The following NRG1 variants were observed in gnomAD, a reference collection of about 807,000 sequenced individuals.
The protein encoded by NRG1 is neuregulin 1, also known as pro-neuregulin-1, membrane-bound isoform.
A neutral mutation model predicts 63.8 loss-of-function variants in NRG1; 18 were observed. The observed-to-expected ratio is 0.28, with a 90% CI of 0.19 to 0.42. The LOEUF (loss-of-function observed/expected upper bound fraction) is 0.42. NRG1 is among the 10% of genes least tolerant of loss of function. NRG1 has a pLI of 1.00. For synonymous variants in NRG1, 302 were observed against 301.3 expected (o/e 1.00, Z -0.02); for missense variants, 762 against 814.7 (o/e 0.94, Z 0.79).
intron 1 of NRG1, among the ~76,000 whole-genome samples, chr8:31,880,362 CA>C (rs1248568778): frequency 6.6e-6 from 1 of 152,160 alleles, no homozygotes; most frequent in African/African-American, 2.4e-5. Context: ...TTAATGTAGA[CA>C]AACATGGGTT....
chr8:32,251,214 C>G (rs527656194), intron 1 of NRG1, among the ~76,000 whole-genome samples: 2 of 152,172 alleles, frequency 1.3e-5, no homozygotes, highest in African/African-American at 4.8e-5. Flanking sequence ...CCGCTCCCCC[C>G]ACCCCACAAC....
chr8:32,661,054 G>A lies in NRG1; in HGVS notation c.502+44169G>A, dbSNP rs10103412. Among the ~76,000 whole-genome samples the A allele has an allele frequency of 3.9e-3, 590 of 152,228 alleles. 3 individuals are homozygous for A. The highest frequency in any genetic ancestry group is 0.013 in the African/African-American group (535 of 41,560). On this transcript the variant is annotated intron_variant, in intron 5 of 11. Coordinates refer to ENST00000356819, the Ensembl canonical transcript of NRG1. The stretch of plus-strand genomic sequence containing the variant: ...ACCATCATACCTGCATTGTTCTCAG[G>A]ATTTAGGAGAACAGAAAAGGATAAT...
rs192302931 is a variant in NRG1, at chr8:31,914,806, C to T, written c.37+275375C>T. On this transcript the variant is annotated intron_variant, in intron 1 of 10. Transcript: ENST00000519301. Reference sequence around the variant, plus strand: ...TTAGTGAAGGACCAGTGTCTCAGAGCTTTATTTTTTATGGTAGTTTAATTA... The same window carrying T: ...TTAGTGAAGGACCAGTGTCTCAGAGTTTTATTTTTTATGGTAGTTTAATTA... Among the ~76,000 whole-genome samples the T allele has an allele frequency of 7.8e-4, 118 of 151,656 alleles. 1 individual carries two copies. Among genetic ancestry groups the T allele is most frequent in the African/African-American group, 2.6e-3 (108 of 41,358 alleles).
At chr8:32,734,238 A>C (rs1824443795) in intron 6 of NRG1, among the ~76,000 whole-genome samples, 1 of 152,192 alleles carries the variant, frequency 6.6e-6, no homozygotes, top group Non-Finnish European at 1.5e-5. Flanking sequence ...TACTGACATA[A>C]TGATGCTGAT....
intron 1 of NRG1, among the ~76,000 whole-genome samples, chr8:32,210,709 G>A (rs1844616712): frequency 6.6e-6 from 1 of 152,210 alleles, no homozygotes; most frequent in African/African-American, 2.4e-5. Flanking sequence ...CGTAGTAGCT[G>A]TAGTGGGAGC....
At chr8:32,525,677 G>A (rs1379654666) in intron 1 of NRG1, among the ~76,000 whole-genome samples, 1 of 152,018 alleles carries the variant, frequency 6.6e-6, no homozygotes, top group Admixed American at 6.6e-5. Flanking sequence ...GTGTTGCCTG[G>A]ATCTGTGTAT....
chr8:32,332,804 C>T (rs549390871), intron 1 of NRG1, among the ~76,000 whole-genome samples: 7 of 152,240 alleles, frequency 4.6e-5, no homozygotes, highest in African/African-American at 9.6e-5. Flanking sequence ...TATGCAAGCT[C>T]GTCTGTTTTG....
intron 1 of NRG1, among the ~76,000 whole-genome samples, chr8:31,941,084 G>GAAA (rs59681897): frequency 1.3e-5 from 2 of 151,368 alleles, no homozygotes; most frequent in African/African-American, 2.4e-5. Context: ...CAAAGCCAGA[G>GAAA]GACATAACAA....
At chr8:31,906,311 G>A (rs556171571) in intron 1 of NRG1, among the ~76,000 whole-genome samples, 46 of 152,300 alleles carry the variant, frequency 3.0e-4, no homozygotes, top group African/African-American at 1.1e-3. Context: ...CAAATGATCA[G>A]AGAAAGATCT....
intron 1 of NRG1, among the ~76,000 whole-genome samples, chr8:32,392,660 G>C (rs1157059601): frequency 1.3e-5 from 2 of 152,070 alleles, no homozygotes; most frequent in Non-Finnish European, 2.9e-5. Flanking sequence ...TCCAGCAGAG[G>C]GAATTTTAGG....
intron 1 of NRG1, among the ~76,000 whole-genome samples, chr8:32,080,328 A>G (rs1403235811): frequency 6.6e-6 from 1 of 152,202 alleles, no homozygotes; most frequent in Non-Finnish European, 1.5e-5. Flanking sequence ...AAAAGATGAA[A>G]GAGAAGTGTC....
intron 1 of NRG1, among the ~76,000 whole-genome samples, chr8:32,579,892 T>C (rs529899630): frequency 1.2e-3 from 178 of 152,186 alleles, no homozygotes; most frequent in Non-Finnish European, 2.3e-3. Context: ...AGAGAAATCA[T>C]TTTCTTGCCT....
In NRG1 at chr8:32,370,322, T is replaced by A. The variant is rs1587139093; in HGVS notation, c.38-225506T>A. 2.0e-5 allele frequency among the ~76,000 whole-genome samples: 3 copies of A among 152,192 alleles called. No individual in the cohort carries two copies. The East Asian group carries it at 5.8e-4, about 29-fold the overall frequency. ...ACACATTTCAGAATGGAAACAAAAA[T>A]AAGTGGCAGATAATGTGTCCAAGTA... On this transcript the variant is annotated intron_variant, in intron 1 of 10. Coordinates refer to the NRG1 transcript ENST00000519301.
At chr8:32,763,174 G>T (rs200486592) in intron 11 of NRG1, 52 of 1,593,370 alleles carry the variant, frequency 3.3e-5, no homozygotes, top group Middle Eastern at 1.7e-4. Flanking sequence ...TGACACTGTT[G>T]TCAGGAATAA....
intron 5 of NRG1, among the ~76,000 whole-genome samples, chr8:32,635,769 T>G (rs1237252264): frequency 6.6e-6 from 1 of 152,188 alleles, no homozygotes; most frequent in Non-Finnish European, 1.5e-5. Context: ...GCTTAATTGG[T>G]TCTTCTTATC....
chr8:31,770,073 G>A (rs1381903101), intron 1 of NRG1, among the ~76,000 whole-genome samples: 1 of 152,114 alleles, frequency 6.6e-6, no homozygotes, highest in South Asian at 2.1e-4. Flanking sequence ...GATAAATATA[G>A]AGTGGAAAAC....
At chr8:32,470,183 CTT>C (rs33936895) in intron 1 of NRG1, among the ~76,000 whole-genome samples, 17 of 124,678 alleles carry the variant, frequency 1.4e-4, no homozygotes, top group South Asian at 2.7e-4. Flanking sequence ...GAAAAGGACT[CTT>C]TTTTTTTTTT....
intron 1 of NRG1, among the ~76,000 whole-genome samples, chr8:32,484,293 T>C (rs1825666253): frequency 6.6e-6 from 1 of 152,154 alleles, no homozygotes; most frequent in African/African-American, 2.4e-5. Context: ...TCCACCTTTA[T>C]GCTGTCAGTG....
intron 1 of NRG1, among the ~76,000 whole-genome samples, chr8:31,692,356 T>C (rs1809618761): frequency 6.6e-6 from 1 of 152,216 alleles, no homozygotes; most frequent in African/African-American, 2.4e-5. Context: ...TCTTAACTGG[T>C]ATTAAAGGTG....
Sources: gnomAD v4.1 joint callset for allele counts (sites outside exome capture counted in the v4.1 genomes callset) on GRCh38, gnomAD v4.1.1 for gene constraint, MANE v1.5 for transcripts, NCBI Gene and HGNC (gene_info 2026-07-23, HGNC 2026-07-21) for gene names.